WWOX: variants seen among roughly 807,000 people sequenced by gnomAD.
WWOX encodes WW domain containing oxidoreductase.
In WWOX, 69 loss-of-function variants were observed where a neutral mutation model predicts 46.2. That is an observed-to-expected ratio of 1.49 (90% confidence interval 1.23 to 1.82). WWOX has a LOEUF of 1.82. Ranked by LOEUF, WWOX falls within the 40% of genes most tolerant of loss-of-function variation. WWOX has a pLI of 0.00. For synonymous variants in WWOX, 359 were observed against 202.6 expected (o/e 1.77, Z -6.56); for missense variants, 919 against 542.6 (o/e 1.69, Z -6.89).
At chr16:78,377,044 G>A (rs963021511) in intron 5 of WWOX, among the ~76,000 whole-genome samples, 2 of 152,242 alleles carry the variant, frequency 1.3e-5, no homozygotes, top group African/African-American at 2.4e-5. Flanking sequence ...CTGAATCGAG[G>A]AGGTGGGGCA....
chr16:79,069,486 C>G lies in WWOX; in HGVS notation c.1057-142122C>G, dbSNP rs569278006. Among the ~76,000 whole-genome samples, 4 of 151,622 alleles carry G rather than the reference C, an allele frequency of 2.6e-5. No individual in the cohort carries two copies. The East Asian group carries it at 5.8e-4, about 22-fold the overall frequency. On this transcript the variant is annotated intron_variant, in intron 8 of 8. Coordinates refer to ENST00000566780, the MANE Select transcript of WWOX (RefSeq NM_016373.4). ...GTAGTCATTTACGTAAACTTAGGAA[C>G]TAAGAACCGACTTATTTATCACAAC...
intron 5 of WWOX, among the ~76,000 whole-genome samples, chr16:78,191,534 G>T (rs142157933): frequency 1.3e-5 from 2 of 152,124 alleles, no homozygotes; most frequent in Non-Finnish European, 2.9e-5. Flanking sequence ...TACCTGTTTT[G>T]TACATATTAT....
At chr16:79,106,640 C>G (rs1241957238) in intron 8 of WWOX, 1 of 129,320 alleles carries the variant, frequency 7.7e-6, no homozygotes, top group Non-Finnish European at 1.6e-5. Context: ...TTCTGTCACC[C>G]AGGTTGGAAT....
intron 8 of WWOX, among the ~76,000 whole-genome samples, chr16:78,522,399 C>T (rs1597207806): frequency 6.6e-6 from 1 of 152,158 alleles, no homozygotes; most frequent in East Asian, 1.9e-4. Flanking sequence ...GCACTGTGTA[C>T]ACGGTTCTGG....
chr16:78,311,377 C>T (rs77681430), intron 5 of WWOX, among the ~76,000 whole-genome samples: 1,751 of 152,216 alleles, frequency 0.012, 16 homozygotes, highest in Middle Eastern at 0.051. Context: ...ACCACAAGGT[C>T]CGGAATGGAG....
intron 8 of WWOX, among the ~76,000 whole-genome samples, chr16:78,936,374 A>T (rs1416798508): frequency 1.3e-5 from 2 of 152,068 alleles, no homozygotes; most frequent in Admixed American, 6.5e-5. Flanking sequence ...AAGACCCCAA[A>T]ACTAACCCAA....
At chr16:79,181,532 C>T (rs899880221) in intron 8 of WWOX, among the ~76,000 whole-genome samples, 1 of 151,506 alleles carries the variant, frequency 6.6e-6, no homozygotes, top group Non-Finnish European at 1.5e-5. Context: ...ACGATTTCCT[C>T]GTATTGTTGA....
At chr16:78,653,336 A>G (rs895274221) in intron 8 of WWOX, among the ~76,000 whole-genome samples, 4 of 152,202 alleles carry the variant, frequency 2.6e-5, no homozygotes, top group Admixed American at 1.3e-4. Flanking sequence ...TTATTTTACT[A>G]TTTATTTTTG....
intron 6 of WWOX, among the ~76,000 whole-genome samples, chr16:78,422,459 C>G (rs1310036560): frequency 6.6e-6 from 1 of 150,956 alleles, no homozygotes; most frequent in African/African-American, 2.4e-5. Context: ...ATCCTCCTAT[C>G]TCAGCCTCCG....
rs891721794 is a variant in WWOX, at chr16:78,606,841, G to T, written c.1056+174089G>T. On this transcript the variant is annotated intron_variant, in intron 8 of 8. Transcript: ENST00000566780. ...GTTGAGGATAAGTGAATTAGCCTGT[G>T]TTGAATGTAACTGAGTACCTGAACA... is the stretch of plus-strand genomic sequence containing the variant. 4.0e-5 allele frequency among the ~76,000 whole-genome samples: 6 copies of T among 151,136 alleles called. No individual in the cohort carries two copies. In the South Asian group the frequency reaches 1.3e-3, roughly 32 times the overall value.
Position 78,853,006 on chromosome 16 carries a change from G to C in WWOX, c.1057-358602G>C, listed in dbSNP as rs12444620. On this transcript the variant is annotated intron_variant, in intron 8 of 8. Coordinates refer to ENST00000566780, the MANE Select transcript of WWOX (RefSeq NM_016373.4). ...CCCCCACCCAGTGTTGATTTGCCCG[G>C]GGTCATACAGATAATTAGTAATGTC... Among the ~76,000 whole-genome samples the C allele has an allele frequency of 2.6e-5, 4 of 152,052 alleles. No homozygotes were observed. The East Asian group carries it at 5.8e-4, about 22-fold the overall frequency.
At position 78,953,362 on chromosome 16, in the gene WWOX, A is replaced by T. The variant is rs554586600; in HGVS notation, c.1057-258246A>T. 9.2e-5 allele frequency among the ~76,000 whole-genome samples: 14 copies of T among 152,302 alleles called. No individual in the cohort carries two copies. In the South Asian group the frequency reaches 1.5e-3, roughly 16 times the overall value. ...CAAACTCTTTTTAAGGGCTTTGCAC[A>T]CTAATTGTATGCAAATGGATGCTGC... On this transcript the variant is annotated intron_variant, in intron 8 of 8. Transcript: ENST00000566780.
intron 8 of WWOX, among the ~76,000 whole-genome samples, chr16:78,505,826 T>C (rs2085186330): frequency 1.7e-5 from 1 of 57,944 alleles, no homozygotes; most frequent in Non-Finnish European, 5.8e-5. Context: ...CCAGATGATC[T>C]GATTCTGTAG....
chr16:79,041,287 T>A (rs1260789511), intron 8 of WWOX, among the ~76,000 whole-genome samples: 1 of 152,156 alleles, frequency 6.6e-6, no homozygotes, highest in Non-Finnish European at 1.5e-5. Flanking sequence ...CATCTCCCTG[T>A]CACCCCTCCC....
intron 8 of WWOX, among the ~76,000 whole-genome samples, chr16:79,207,157 C>G (rs2051541883): frequency 1.3e-5 from 2 of 152,108 alleles, no homozygotes; most frequent in Non-Finnish European, 2.9e-5. Flanking sequence ...CCCCTCATCT[C>G]CACCGCAGCA....
At chr16:79,154,074 C>T (rs2050333808) in intron 8 of WWOX, among the ~76,000 whole-genome samples, 1 of 152,214 alleles carries the variant, frequency 6.6e-6, no homozygotes, top group African/African-American at 2.4e-5. Flanking sequence ...TCCATTCTAA[C>T]ATGCTGAGTG....
At chr16:78,442,767 G>C (rs955881711) in intron 8 of WWOX, among the ~76,000 whole-genome samples, 26 of 151,638 alleles carry the variant, frequency 1.7e-4, no homozygotes, top group Admixed American at 9.9e-4. Context: ...ATCACCTGAG[G>C]TTGGGAGTTC....
intron 8 of WWOX, among the ~76,000 whole-genome samples, chr16:78,923,961 G>T (rs1007876164): frequency 4.0e-5 from 6 of 151,812 alleles, no homozygotes; most frequent in African/African-American, 1.5e-4. Context: ...CACCACGCCT[G>T]GCTAATTTTT....
chr16:78,790,670 A>G (rs568918391), intron 8 of WWOX, among the ~76,000 whole-genome samples: 11 of 152,258 alleles, frequency 7.2e-5, no homozygotes, highest in South Asian at 4.2e-4. Context: ...CACAAGTACA[A>G]AGGTTCAGAG....
Sources: allele counts gnomAD v4.1 joint callset (sites outside exome capture counted in the v4.1 genomes callset), GRCh38; gene constraint gnomAD v4.1.1; transcripts MANE v1.5; gene names NCBI Gene and HGNC (gene_info 2026-07-23, HGNC 2026-07-21).